Variants in PRPF39 observed in about 807,000 individuals in gnomAD.
PRPF39 encodes the protein pre-mRNA-processing factor 39.
In PRPF39, 27 loss-of-function variants were observed where a neutral mutation model predicts 82.1. That is an observed-to-expected ratio of 0.33 (90% CI 0.24 to 0.45). The LOEUF is 0.45. Among genes scored for constraint, PRPF39 ranks in the 20% least tolerant of loss-of-function variants. The probability of loss-of-function intolerance (pLI) is 1.00; values close to 1 mark genes in which losing one functional copy is unlikely to be tolerated. For synonymous variants in PRPF39, 261 were observed against 256.4 expected (o/e 1.02, Z -0.17); for missense variants, 581 against 796.9 (o/e 0.73, Z 3.26).
At chr14:45,114,394 C>A in intron 12 of PRPF39, 100 bp from the exon 13 acceptor site, 1 of 1,374,524 alleles carries the variant, frequency 7.3e-7, no homozygotes, top group Non-Finnish European at 9.8e-7. Flanking sequence ...TTGAGTGATT[C>A]AGAACTTCAG....
At chr14:45,108,024 A>T (rs1161908099) in intron 6 of PRPF39, among the ~76,000 whole-genome samples, 1 of 152,114 alleles carries the variant, frequency 6.6e-6, no homozygotes, top group Non-Finnish European at 1.5e-5. Context: ...CTGGCCATTT[A>T]CCCAGTGACT....
intron 5 of PRPF39, among the ~76,000 whole-genome samples, chr14:45,106,220 G>A (rs989093762): frequency 3.3e-5 from 5 of 151,852 alleles, no homozygotes; most frequent in Admixed American, 6.6e-5. Flanking sequence ...GTGGTGGTGC[G>A]CACCTGTAAT....
At chr14:45,096,316 T>TTG in intron 3 of PRPF39, 88 bp downstream of exon 3, 1 of 1,427,162 alleles carries the variant, frequency 7.0e-7, no homozygotes, top group Non-Finnish European at 9.3e-7. Context: ...TTTTTTTTTT[T>TTG]GGCTGGCAGT....
At chr14:45,108,171 A>C (rs1224396661) in intron 6 of PRPF39, among the ~76,000 whole-genome samples, 3 of 152,270 alleles carry the variant, frequency 2.0e-5, no homozygotes, top group East Asian at 3.9e-4. Context: ...TATTTTGCCT[A>C]GGTTGTGTAT....
At chr14:45,085,482 A>G (rs914564821) in intron 1 of PRPF39, among the ~76,000 whole-genome samples, 3 of 152,230 alleles carry the variant, frequency 2.0e-5, no homozygotes, top group African/African-American at 7.2e-5. Flanking sequence ...TTTCTGTGGT[A>G]TGTTTTAACA....
Position 45,114,544 on chromosome 14 carries a change from C to T in PRPF39, c.1883C>T (p.Ser628Leu). 1 of 1,603,728 alleles carries T rather than the reference C, an allele frequency of 6.2e-7. No individual in the cohort carries two copies. The highest frequency in any genetic ancestry group is 8.5e-7 in the Non-Finnish European group (1 of 1,176,432). ...KKAHTEDTTS[S>L]STQMIDGDLQ... is the part of the protein sequence containing the mutation. ...GCACATACAGAAGATACAACTTCATCATCTACACAGATGATTGATGGTGAT... is the reference window on the plus strand; with the variant it reads ...GCACATACAGAAGATACAACTTCATTATCTACACAGATGATTGATGGTGAT... Residue 628 changes from serine to leucine, a missense_variant, in exon 13 of 14, where the codon TCA becomes TTA. Physicochemically the swap from Ser to Leu is moderately radical, Grantham distance 145. Coordinates refer to ENST00000355765, the MANE Select transcript of PRPF39 (RefSeq NM_017922.4).
chr14:45,087,578 GTT>G (rs1282725625), intron 1 of PRPF39, among the ~76,000 whole-genome samples: 2 of 149,858 alleles, frequency 1.3e-5, no homozygotes, highest in African/African-American at 2.5e-5. Flanking sequence ...TTTTTGTTTT[GTT>G]TTGTTTTTTT....
chr14:45,092,366 G>T (rs879533382), intron 1 of PRPF39, among the ~76,000 whole-genome samples: 4 of 152,086 alleles, frequency 2.6e-5, no homozygotes, highest in Non-Finnish European at 4.4e-5. Flanking sequence ...GCTTTGGGAG[G>T]CCGAGGCAGG....
intron 5 of PRPF39, among the ~76,000 whole-genome samples, chr14:45,106,965 G>A (rs904446313): frequency 6.6e-6 from 1 of 152,164 alleles, no homozygotes; most frequent in African/African-American, 2.4e-5. Context: ...TATTTGGGAG[G>A]TGGGAAGGAA....
At chr14:45,096,258 C>G (rs753376720) in intron 3 of PRPF39, 30 bp downstream of exon 3, 3 of 1,554,890 alleles carry the variant, frequency 1.9e-6, no homozygotes, top group Non-Finnish European at 2.6e-6. Context: ...AACTTATCTC[C>G]AATAGGTACT....
chr14:45,106,284 G>GC (rs1884530512), intron 5 of PRPF39, among the ~76,000 whole-genome samples: 1 of 152,188 alleles, frequency 6.6e-6, no homozygotes, highest in Admixed American at 6.5e-5. Context: ...GGGAGGTGGA[G>GC]CTTGCAGTGA....
Position 45,097,012 on chromosome 14 carries a change from G to A in PRPF39, c.569+7G>A, listed in dbSNP as rs1358322859. ...CAAACAATACAATAAGAGGGTATGTGGAACATTGATACTGAAATGTTTTTT... is the reference window on the plus strand; with the variant it reads ...CAAACAATACAATAAGAGGGTATGTAGAACATTGATACTGAAATGTTTTTT... On this transcript the variant is annotated splice_region_variant and intron_variant, in intron 4 of 13. Coordinates refer to ENST00000355765, the MANE Select transcript of PRPF39 (RefSeq NM_017922.4). 6.6e-7 allele frequency: 1 copy of A among 1,518,920 alleles called. No individual in the cohort carries two copies. The allele number at this position is 1,518,920 out of a possible 1,614,324, so 94.1% of individuals were successfully genotyped here.
intron 4 of PRPF39, among the ~76,000 whole-genome samples, chr14:45,101,541 C>G (rs760597804): frequency 4.6e-5 from 7 of 151,918 alleles, no homozygotes; most frequent in Non-Finnish European, 8.8e-5. Context: ...TTTCAGCTCA[C>G]TGCCACTTTC....
At chr14:45,092,594 C>CT (rs1341257476) in intron 1 of PRPF39, among the ~76,000 whole-genome samples, 1 of 121,798 alleles carries the variant, frequency 8.2e-6, no homozygotes, top group Admixed American at 9.8e-5. Flanking sequence ...GATCGAGACT[C>CT]TGTCTCAAAA....
intron 10 of PRPF39, 145 bp from the exon 11 acceptor site, chr14:45,112,173 A>G (rs1884717454): frequency 2.7e-6 from 2 of 736,082 alleles, no homozygotes; most frequent in Non-Finnish European, 4.1e-6. Flanking sequence ...CTTTAGATAT[A>G]TGCTGAAAAC....
At chr14:45,088,618 G>A (rs1272461648) in intron 1 of PRPF39, among the ~76,000 whole-genome samples, 3 of 152,166 alleles carry the variant, frequency 2.0e-5, no homozygotes, top group Admixed American at 6.5e-5. Context: ...GTTATTTAAC[G>A]TTAATGAATT....
intron 13 of PRPF39, 45 bp from the exon 14 acceptor site, chr14:45,114,812 C>CT: frequency 2.0e-6 from 3 of 1,489,810 alleles, no homozygotes. Flanking sequence ...ATATGGAACT[C>CT]TGCCACAGTT....
chr14:45,097,295 CTT>C (rs1884231256), intron 4 of PRPF39, among the ~76,000 whole-genome samples: 1 of 151,036 alleles, frequency 6.6e-6, no homozygotes, highest in African/African-American at 2.4e-5. Flanking sequence ...TCATACTGCT[CTT>C]TGACTTTTTT....
intron 4 of PRPF39, among the ~76,000 whole-genome samples, 194 bp downstream of exon 4, chr14:45,097,199 A>G (rs1331652031): frequency 1.3e-5 from 2 of 152,102 alleles, no homozygotes; most frequent in African/African-American, 2.4e-5. Flanking sequence ...CATGCCTCTT[A>G]TGTCCCCAAT....
Sources: gnomAD v4.1 joint callset for allele counts (sites outside exome capture counted in the v4.1 genomes callset) on GRCh38, gnomAD v4.1.1 for gene constraint, MANE v1.5 for transcripts, NCBI Gene and HGNC (gene_info 2026-07-23, HGNC 2026-07-21) for gene names.